The following KAZN variants were observed in gnomAD, a reference collection of about 807,000 sequenced individuals.
KAZN encodes the protein kazrin, periplakin interacting protein.
KAZN carries 40 observed loss-of-function variants against 87.4 expected under a neutral mutation model. The observed-to-expected ratio is 0.46, with a 90% CI of 0.36 to 0.60. KAZN has a LOEUF of 0.60. Among genes scored for constraint, KAZN ranks in the 20% least tolerant of loss-of-function variants. The pLI, the probability that KAZN is intolerant of heterozygous loss-of-function variation, is 0.00. For missense variants in KAZN, 898 were observed against 1,073.9 expected (o/e 0.84, Z 2.29); for synonymous variants, 466 against 458.3 (o/e 1.02, Z -0.22).
At position 14,075,914 on chromosome 1, in the gene KAZN, T is replaced by C. The variant is rs77311941; in HGVS notation, c.92-104521T>C. ...TTCTAACCCCTAGGACCTTGGAATG[T>C]GACCTTATTTAAAAAGAGGGCTCTT... On this transcript the variant is annotated intron_variant, in intron 1 of 16. Coordinates refer to the KAZN transcript ENST00000636203. Among the ~76,000 whole-genome samples the C allele has an allele frequency of 5.3e-3, 802 of 152,300 alleles. 13 individuals are homozygous for C. Among genetic ancestry groups the C allele is most frequent in the African/African-American group, 0.018 (767 of 41,568 alleles).
At chr1:14,315,995 A>T (rs563569582) in intron 2 of KAZN, among the ~76,000 whole-genome samples, 69 of 152,056 alleles carry the variant, frequency 4.5e-4, no homozygotes, top group African/African-American at 1.6e-3. Context: ...AGGTAGTTTT[A>T]CCATTTCACA....
intron 1 of KAZN, among the ~76,000 whole-genome samples, chr1:13,907,784 A>G (rs762721325): frequency 2.6e-5 from 4 of 151,352 alleles, no homozygotes; most frequent in Admixed American, 1.3e-4. Context: ...CAGTCTCCCC[A>G]TGAGACATTT....
rs1313609058 is a variant in KAZN at position 14,140,713 on chromosome 1, C to T, written c.92-39722C>T. On this transcript the variant is annotated intron_variant, in intron 1 of 16. Transcript: ENST00000636203. Reference sequence around the variant, plus strand: ...TGCTCCACCACCCCCGCACCCCTGCCTCCCCCACGAACCCCGTCCAGAAGT... The same window carrying T: ...TGCTCCACCACCCCCGCACCCCTGCTTCCCCCACGAACCCCGTCCAGAAGT... Among the ~76,000 whole-genome samples, 6 of 152,110 alleles carry T rather than the reference C, an allele frequency of 3.9e-5. No homozygotes were observed. In the East Asian group the frequency reaches 9.7e-4, roughly 25 times the overall value.
intron 2 of KAZN, among the ~76,000 whole-genome samples, chr1:14,403,248 A>T (rs1219496974): frequency 6.6e-6 from 1 of 152,212 alleles, no homozygotes; most frequent in Admixed American, 6.5e-5. Context: ...AAAAAAATGA[A>T]AGTACATCCT....
In KAZN at chr1:13,972,315, C is replaced by A. The variant is rs1189801015; in HGVS notation, c.91+78559C>A. 2.0e-5 allele frequency among the ~76,000 whole-genome samples: 3 copies of A among 149,900 alleles called. No individual in the cohort carries two copies. In the East Asian group the frequency reaches 5.8e-4, roughly 29 times the overall value. On this transcript the variant is annotated intron_variant, in intron 1 of 16. Coordinates refer to the KAZN transcript ENST00000636203. ...TTGAGACACAGTCTTGCTTTTTCAC[C>A]CAGGCCGGAGTGCAGTGGCGCTATC...
chr1:14,393,323 A>G (rs1662614146), intron 2 of KAZN, among the ~76,000 whole-genome samples: 1 of 152,232 alleles, frequency 6.6e-6, no homozygotes, highest in African/African-American at 2.4e-5. Context: ...GTAAATGCCC[A>G]CCAAATAATA....
At chr1:14,716,848 A>G (rs1642822962) in intron 1 of KAZN, among the ~76,000 whole-genome samples, 1 of 152,064 alleles carries the variant, frequency 6.6e-6, no homozygotes, top group African/African-American at 2.4e-5. Context: ...AAATCCATTT[A>G]CCAGTCAAAG....
chr1:15,074,490 T>A (rs1639651912), intron 8 of KAZN, among the ~76,000 whole-genome samples: 1 of 152,060 alleles, frequency 6.6e-6, no homozygotes, highest in Non-Finnish European at 1.5e-5. Flanking sequence ...TCACCCCTCC[T>A]CCCTATCAGT....
chr1:15,100,204 G>T (rs1306647548), intron 10 of KAZN, among the ~76,000 whole-genome samples: 1 of 152,216 alleles, frequency 6.6e-6, no homozygotes, highest in Non-Finnish European at 1.5e-5. Flanking sequence ...AAGAGGGGAA[G>T]GGGTTAGGAG....
chr1:14,151,301 T>G (rs151155976), intron 1 of KAZN, among the ~76,000 whole-genome samples: 48 of 152,252 alleles, frequency 3.2e-4, no homozygotes, highest in African/African-American at 1.1e-3. Flanking sequence ...TTTTGAACCA[T>G]GCATTTTTTT....
intron 1 of KAZN, among the ~76,000 whole-genome samples, chr1:14,173,703 A>G (rs1646006903): frequency 1.3e-5 from 2 of 150,116 alleles, no homozygotes; most frequent in African/African-American, 2.5e-5. Context: ...CTCTTTCTCA[A>G]TAGTTCCATC....
chr1:14,074,783 T>G (rs1643386967), intron 1 of KAZN, among the ~76,000 whole-genome samples: 1 of 152,212 alleles, frequency 6.6e-6, no homozygotes, highest in African/African-American at 2.4e-5. Context: ...ATGCAGGGAC[T>G]TGGGTTCCAA....
At chr1:14,148,727 T>G (rs931330902) in intron 1 of KAZN, among the ~76,000 whole-genome samples, 1 of 152,224 alleles carries the variant, frequency 6.6e-6, no homozygotes, top group Admixed American at 6.5e-5. Flanking sequence ...TGGGGAATTA[T>G]GTACATGTGG....
chr1:14,598,555 G>A, upstream of KAZN: 1 of 537,120 alleles, frequency 1.9e-6, no homozygotes, highest in Non-Finnish European at 2.4e-6. The surrounding 1 kb of genome is among the most constrained non-coding windows in gnomAD (Gnocchi z 4.2). Flanking sequence ...CCGCCCCCCC[G>A]GGGGGTGTGT....
intron 1 of KAZN, among the ~76,000 whole-genome samples, chr1:14,922,238 T>C (rs1191797181): frequency 6.6e-6 from 1 of 152,226 alleles, no homozygotes; most frequent in Non-Finnish European, 1.5e-5. Context: ...CTCACTCATT[T>C]ATGTTCCCAG....
At chr1:14,210,523 C>G (rs141574745) in intron 2 of KAZN, among the ~76,000 whole-genome samples, 1 of 152,068 alleles carries the variant, frequency 6.6e-6, no homozygotes, top group Non-Finnish European at 1.5e-5. Context: ...AAACCTTCTC[C>G]CTAATGAATA....
At chr1:14,569,384 G>C (rs553591322) in intron 2 of KAZN, among the ~76,000 whole-genome samples, 6 of 141,326 alleles carry the variant, frequency 4.2e-5, no homozygotes, top group African/African-American at 1.1e-4. Context: ...GTGCAGTGGC[G>C]AGATCTCGGC....
chr1:14,635,739 G>T (rs576932179), intron 1 of KAZN, among the ~76,000 whole-genome samples: 1 of 152,322 alleles, frequency 6.6e-6, no homozygotes, highest in East Asian at 1.9e-4. Context: ...CTAGACCAGT[G>T]GTTCTCAACT....
chr1:14,550,213 C>T (rs972974596), intron 2 of KAZN, among the ~76,000 whole-genome samples: 1 of 152,132 alleles, frequency 6.6e-6, no homozygotes, highest in African/African-American at 2.4e-5. Flanking sequence ...GTTCTCTACA[C>T]TCATGAAATT....
Sources: gnomAD v4.1 joint callset for allele counts (sites outside exome capture counted in the v4.1 genomes callset) on GRCh38, gnomAD v4.1.1 for gene constraint, Gnocchi (gnomAD v3.1) non-coding constraint, MANE v1.5 for transcripts, NCBI Gene and HGNC (gene_info 2026-07-23, HGNC 2026-07-21) for gene names.